CDH10: variants seen among roughly 807,000 people sequenced by gnomAD.
CDH10 encodes the protein cadherin-10.
A neutral mutation model predicts 73.1 loss-of-function variants in CDH10; 30 were observed. The ratio of observed to expected loss-of-function variants is 0.41; its 90% CI spans 0.31 to 0.56. The LOEUF is 0.56. Ranked by LOEUF, CDH10 falls within the 20% of genes least tolerant of loss-of-function variation. The pLI, the probability that CDH10 is intolerant of heterozygous loss-of-function variation, is 0.27. For missense variants in CDH10, 815 were observed against 973.7 expected (o/e 0.84, Z 2.17); for synonymous variants, 345 against 348.2 (o/e 0.99, Z 0.10).
intron 5 of CDH10, among the ~76,000 whole-genome samples, chr5:24,534,714 G>C (rs1168041281): frequency 6.6e-6 from 1 of 152,022 alleles, no homozygotes; most frequent in Non-Finnish European, 1.5e-5. Context: ...GAAAAAAATT[G>C]TCCTCAATTT....
At chr5:24,525,050 A>G (rs2111832365) in intron 5 of CDH10, among the ~76,000 whole-genome samples, 1 of 152,166 alleles carries the variant, frequency 6.6e-6, no homozygotes, top group East Asian at 1.9e-4. Context: ...TCACGTGAGT[A>G]AGCGACTTTG....
chr5:24,599,347 G>A (rs1200426102), intron 1 of CDH10, among the ~76,000 whole-genome samples: 1 of 152,014 alleles, frequency 6.6e-6, no homozygotes, highest in African/African-American at 2.4e-5. Flanking sequence ...GAGAGTTTGG[G>A]AGATTATTAG....
intron 8 of CDH10, among the ~76,000 whole-genome samples, chr5:24,504,497 C>A (rs1742611206): frequency 1.1e-5 from 1 of 91,252 alleles, no homozygotes; most frequent in Non-Finnish European, 2.5e-5. Context: ...ATGCTTTTCT[C>A]CTATTAATCT....
intron 1 of CDH10, among the ~76,000 whole-genome samples, chr5:24,642,246 A>G (rs769472286): frequency 5.3e-5 from 8 of 152,164 alleles, no homozygotes; most frequent in Admixed American, 6.5e-5. Context: ...TATAAAAATG[A>G]CATATTCCAG....
Position 24,509,551 on chromosome 5 carries a change from A to G in CDH10, c.1256+15T>C, listed in dbSNP as rs2111749280. 1 of 1,610,800 alleles carries G rather than the reference A, an allele frequency of 6.2e-7. No individual in the cohort carries two copies. The highest frequency in any genetic ancestry group is 8.5e-7 in the Non-Finnish European group (1 of 1,178,304). ...ACCGAGCCCGGCTGTTTTCATTTTT[A>G]AAAGGCACACTTACCTAATGGGGCT... On this transcript the variant is annotated intron_variant, in intron 7 of 11. Coordinates refer to ENST00000264463, the MANE Select transcript of CDH10 (RefSeq NM_006727.5).
At chr5:24,569,263 G>A (rs926750784) in intron 2 of CDH10, among the ~76,000 whole-genome samples, 1 of 152,164 alleles carries the variant, frequency 6.6e-6, no homozygotes, top group South Asian at 2.1e-4. Flanking sequence ...ATAAAGGGGA[G>A]TTATCGTTTA....
At chr5:24,571,532 A>G (rs1259186558) in intron 2 of CDH10, among the ~76,000 whole-genome samples, 1 of 152,148 alleles carries the variant, frequency 6.6e-6, no homozygotes, top group African/African-American at 2.4e-5. Context: ...AAAGCAATTC[A>G]GAAGAAATTT....
intron 1 of CDH10, among the ~76,000 whole-genome samples, chr5:24,637,310 C>T (rs1747896863): frequency 6.6e-6 from 1 of 151,798 alleles, no homozygotes; most frequent in Admixed American, 6.6e-5. Context: ...AAATAAAATG[C>T]TTTTGAGGGG....
At chr5:24,540,227 C>G (rs1744101754) in intron 2 of CDH10, among the ~76,000 whole-genome samples, 1 of 151,754 alleles carries the variant, frequency 6.6e-6, no homozygotes, top group South Asian at 2.1e-4. Flanking sequence ...AGGTTTGAAC[C>G]TGGGAAATTT....
intron 5 of CDH10, among the ~76,000 whole-genome samples, chr5:24,518,668 G>T (rs1743198321): frequency 6.6e-6 from 1 of 151,906 alleles, no homozygotes. Context: ...AAGATCACAA[G>T]ATCTCCCCTT....
At chr5:24,555,532 C>T (rs764575332) in intron 2 of CDH10, among the ~76,000 whole-genome samples, 3 of 152,074 alleles carry the variant, frequency 2.0e-5, no homozygotes, top group Non-Finnish European at 4.4e-5. Flanking sequence ...CTTGCCCCCT[C>T]GTTCATGGGG....
chr5:24,595,540 A>T (rs143121465), intron 1 of CDH10, among the ~76,000 whole-genome samples: 1 of 152,058 alleles, frequency 6.6e-6, no homozygotes, highest in Non-Finnish European at 1.5e-5. Flanking sequence ...TACATCACAA[A>T]GCACTGGAAC....
At chr5:24,608,836 C>G (rs959643839) in intron 1 of CDH10, among the ~76,000 whole-genome samples, 1 of 152,140 alleles carries the variant, frequency 6.6e-6, no homozygotes, top group South Asian at 2.1e-4. Context: ...AAATAGATAT[C>G]TTAGCAATAT....
intron 6 of CDH10, 100 bp from the exon 7 acceptor site, chr5:24,509,919 T>C (rs552050949): frequency 2.5e-6 from 2 of 786,386 alleles, no homozygotes; most frequent in Non-Finnish European, 4.1e-6. Flanking sequence ...TGAGTTCTCT[T>C]ACATAGTTCA....
intron 1 of CDH10, among the ~76,000 whole-genome samples, chr5:24,621,595 T>A (rs143477143): frequency 6.6e-6 from 1 of 152,172 alleles, no homozygotes; most frequent in Admixed American, 6.5e-5. Context: ...ATAGGCAATG[T>A]GGAGAGATTT....
At chr5:24,518,356 T>A (rs559887295) in intron 5 of CDH10, among the ~76,000 whole-genome samples, 17 of 152,220 alleles carry the variant, frequency 1.1e-4, no homozygotes, top group African/African-American at 3.9e-4. Context: ...AAACGCATGT[T>A]GGAGACAGAG....
intron 2 of CDH10, among the ~76,000 whole-genome samples, chr5:24,576,092 TTTAA>T (rs1258661606): frequency 1.3e-5 from 2 of 152,160 alleles, no homozygotes; most frequent in Non-Finnish European, 2.9e-5. Context: ...TTTTTATAAC[TTTAA>T]TTATTTTAGG....
intron 5 of CDH10, among the ~76,000 whole-genome samples, chr5:24,534,005 C>A (rs529269489): frequency 9.0e-4 from 137 of 151,986 alleles, no homozygotes; most frequent in African/African-American, 3.2e-3. Context: ...TGCTTTTAAA[C>A]AATTTAATTT....
At chr5:24,498,094 G>A (rs1472103911) in intron 9 of CDH10, among the ~76,000 whole-genome samples, 1 of 152,176 alleles carries the variant, frequency 6.6e-6, no homozygotes, top group African/African-American at 2.4e-5. Flanking sequence ...GGCGGTCTTA[G>A]GGGTTTGCTT....
Sources: gnomAD v4.1 joint callset for allele counts (sites outside exome capture counted in the v4.1 genomes callset) on GRCh38, gnomAD v4.1.1 for gene constraint, MANE v1.5 for transcripts, NCBI Gene and HGNC (gene_info 2026-07-23, HGNC 2026-07-21) for gene names.